The following TOM1L2 variants were observed in gnomAD, a reference collection of about 807,000 sequenced individuals.
The protein encoded by TOM1L2 is TOM1-like protein 2.
TOM1L2 carries 31 observed loss-of-function variants against 67.9 expected under a neutral mutation model. The observed-to-expected ratio is 0.46, with a 90% CI of 0.34 to 0.62. The LOEUF (loss-of-function observed/expected upper bound fraction) is 0.62, where lower values mean the gene tolerates loss of function less well. Ranked by LOEUF, TOM1L2 falls within the 20% of genes least tolerant of loss-of-function variation. TOM1L2 has a pLI of 0.01. For missense variants in TOM1L2, 606 were observed against 663.5 expected, an observed-to-expected ratio of 0.91 and a Z score of 0.95; for synonymous variants, 256 against 254.0, an observed-to-expected ratio of 1.01 and a Z score of -0.07.
chr17:17,915,144 C>T (rs1010643913), intron 1 of TOM1L2, among the ~76,000 whole-genome samples: 3 of 152,070 alleles, frequency 2.0e-5, no homozygotes, highest in Admixed American at 2.0e-4. Flanking sequence ...TGAGTATCGG[C>T]GAAGTGTGGA....
At chr17:17,857,441 T>C (rs2036307368) in intron 12 of TOM1L2, among the ~76,000 whole-genome samples, 1 of 152,144 alleles carries the variant, frequency 6.6e-6, no homozygotes, top group Non-Finnish European at 1.5e-5. Flanking sequence ...AAAGCCACAG[T>C]AACTTGTGCT....
intron 1 of TOM1L2, among the ~76,000 whole-genome samples, chr17:17,913,770 A>T (rs2039509017): frequency 6.6e-6 from 1 of 152,186 alleles, no homozygotes; most frequent in African/African-American, 2.4e-5. Context: ...CCAGTATCAT[A>T]AGAGGAAAGG....
intron 1 of TOM1L2, among the ~76,000 whole-genome samples, chr17:17,930,017 A>T (rs1483849726): frequency 6.6e-6 from 1 of 152,228 alleles, no homozygotes; most frequent in Non-Finnish European, 1.5e-5. Context: ...TACAGAGCCC[A>T]TGCCTGGGCA....
At chr17:17,944,778 G>A (rs1279744760) in intron 1 of TOM1L2, among the ~76,000 whole-genome samples, 2 of 152,212 alleles carry the variant, frequency 1.3e-5, no homozygotes, top group African/African-American at 4.8e-5. Flanking sequence ...GAAACAGGAG[G>A]TCCGCACTTG....
intron 10 of TOM1L2, 135 bp downstream of exon 10, chr17:17,866,161 G>A (rs2036838855): frequency 9.1e-7 from 1 of 1,101,312 alleles, no homozygotes; most frequent in Non-Finnish European, 1.3e-6. Context: ...AACTGGCTAG[G>A]ACTCAGGAAT....
At chr17:17,879,526 A>C (rs1598250960) in intron 7 of TOM1L2, 101 bp downstream of exon 7, 1 of 893,216 alleles carries the variant, frequency 1.1e-6, no homozygotes. Context: ...GGGCCACTGG[A>C]CCTGTCCCGC....
At chr17:17,930,883 T>G (rs2040302618) in intron 1 of TOM1L2, among the ~76,000 whole-genome samples, 2 of 152,196 alleles carry the variant, frequency 1.3e-5, no homozygotes, top group African/African-American at 4.8e-5. Context: ...CCTTGCTGAT[T>G]AAAGGCAGAA....
At position 17,882,840 on chromosome 17, in the gene TOM1L2, A is replaced by G. The variant is rs971131996; in HGVS notation, c.525T>C (p.Ala175=). ...PQRSVPEVDP[A]ATMPRSQSQQ... is the part of the protein sequence containing the mutation. ...GTGATTGGGACCTGGGCATGGTCGCAGCTGGATCCACTTCAGGGACACTCT... is the reference window on the plus strand; with the variant it reads ...GTGATTGGGACCTGGGCATGGTCGCGGCTGGATCCACTTCAGGGACACTCT... Residue 175 remains alanine (A), a synonymous_variant, in exon 6 of 15, where the codon GCT becomes GCC. Coordinates refer to ENST00000379504, the MANE Select transcript of TOM1L2 (RefSeq NM_001082968.2). 2 of 1,614,164 alleles carry G rather than the reference A, an allele frequency of 1.2e-6. No homozygotes were observed. The highest frequency in any genetic ancestry group is 1.7e-6 in the Non-Finnish European group (2 of 1,180,026).
chr17:17,953,430 G>A (rs1206454296), intron 1 of TOM1L2, among the ~76,000 whole-genome samples: 2 of 152,242 alleles, frequency 1.3e-5, no homozygotes, highest in African/African-American at 4.8e-5. Flanking sequence ...TAAGGTGCTA[G>A]AGACAAGCAG....
rs746922305 is a variant in TOM1L2 at position 17,861,459 on chromosome 17, C to T, written c.1278+17G>A. ...CTCCAGAAGACTCCAGGCAGAAAAA[C>T]AGGGTTAAAGACCTACCCCTTCTGA... is the stretch of plus-strand genomic sequence containing the variant. On this transcript the variant is annotated intron_variant, in intron 12 of 14. Coordinates refer to ENST00000379504, the MANE Select transcript of TOM1L2 (RefSeq NM_001082968.2). The T allele has an allele frequency of 1.9e-6, 3 of 1,611,720 alleles. No homozygotes were observed. In the South Asian group the frequency reaches 3.3e-5, roughly 18 times the overall value.
At chr17:17,871,141 C>T (rs1303252838) in intron 7 of TOM1L2, among the ~76,000 whole-genome samples, 3 of 152,154 alleles carry the variant, frequency 2.0e-5, no homozygotes, top group Non-Finnish European at 2.9e-5. Context: ...GAGGCCGAGG[C>T]GGATGGATCA....
chr17:17,898,479 C>T, intron 3 of TOM1L2, 117 bp downstream of exon 3: 2 of 1,050,616 alleles, frequency 1.9e-6, no homozygotes, highest in East Asian at 2.4e-5. Flanking sequence ...GTGGCCCAGG[C>T]ACCAAGCCAT....
intron 2 of TOM1L2, among the ~76,000 whole-genome samples, chr17:17,905,845 G>T (rs1366053700): frequency 6.6e-6 from 1 of 152,138 alleles, no homozygotes; most frequent in Non-Finnish European, 1.5e-5. Context: ...AGCCAGAGTT[G>T]CTCTGGTTCT....
chr17:17,944,147 C>T (rs1480745715), intron 1 of TOM1L2, among the ~76,000 whole-genome samples: 4 of 152,194 alleles, frequency 2.6e-5, no homozygotes, highest in Admixed American at 6.5e-5. Flanking sequence ...ACACTACTAG[C>T]GACATAAATA....
chr17:17,932,993 C>A (rs764387332), intron 1 of TOM1L2, among the ~76,000 whole-genome samples: 4 of 152,180 alleles, frequency 2.6e-5, no homozygotes, highest in African/African-American at 7.2e-5. Flanking sequence ...GTTATGATTG[C>A]ATTCAGCTGC....
chr17:17,961,347 C>T (rs946044824), intron 1 of TOM1L2, among the ~76,000 whole-genome samples: 5 of 151,838 alleles, frequency 3.3e-5, no homozygotes, highest in South Asian at 2.1e-4. Flanking sequence ...CACCTGAGTC[C>T]GAGAAGTCCA....
chr17:17,894,975 ACATG>A lies in TOM1L2; in HGVS notation c.217-1169_217-1166del, dbSNP rs34865538. The stretch of plus-strand genomic sequence containing the variant: ...TACATACATACATACATACATACAT[ACATG>A]CATGCATGCATGCATAAAATAATGC... On this transcript the variant is annotated intron_variant, in intron 3 of 14. Coordinates refer to ENST00000379504, the MANE Select transcript of TOM1L2 (RefSeq NM_001082968.2). Among the ~76,000 whole-genome samples the A allele has an allele frequency of 1.5e-3, 218 of 147,800 alleles. 1 individual carries two copies. The highest frequency in any genetic ancestry group is 5.0e-3 in the South Asian group (23 of 4,626).
At chr17:17,866,549 C>T in intron 9 of TOM1L2, 130 bp from the exon 10 acceptor site, 1 of 1,211,742 alleles carries the variant, frequency 8.3e-7, no homozygotes, top group Non-Finnish European at 1.1e-6. Flanking sequence ...AGAAGCAAGG[C>T]CACTTCCCCC....
At chr17:17,955,705 T>TG (rs1568377815) in intron 1 of TOM1L2, among the ~76,000 whole-genome samples, 1 of 152,114 alleles carries the variant, frequency 6.6e-6, no homozygotes, top group Non-Finnish European at 1.5e-5. Context: ...TGTCCAGAAT[T>TG]GGTGGGTTCT....
Sources: gnomAD v4.1 joint callset for allele counts (sites outside exome capture counted in the v4.1 genomes callset) on GRCh38, gnomAD v4.1.1 for gene constraint, MANE v1.5 for transcripts, NCBI Gene and HGNC (gene_info 2026-07-23, HGNC 2026-07-21) for gene names.